Variants in RUNDC3B observed in about 807,000 individuals in gnomAD.
RUNDC3B encodes the protein RUN domain containing 3B.
RUNDC3B carries 33 observed loss-of-function variants against 58.4 expected under a neutral mutation model. The observed-to-expected ratio is 0.56, with a 90% CI of 0.43 to 0.75. The LOEUF (loss-of-function observed/expected upper bound fraction) is 0.75, where lower values mean the gene tolerates loss of function less well. Ranked by LOEUF, RUNDC3B falls within the 30% of genes least tolerant of loss-of-function variation. RUNDC3B has a pLI of 0.00. For missense variants in RUNDC3B, 501 were observed against 535.7 expected, an observed-to-expected ratio of 0.94 and a Z score of 0.64; for synonymous variants, 193 against 195.2, an observed-to-expected ratio of 0.99 and a Z score of 0.10.
chr7:87,790,921 T>G (rs569662246), intron 8 of RUNDC3B, among the ~76,000 whole-genome samples: 4 of 152,182 alleles, frequency 2.6e-5, no homozygotes, highest in Non-Finnish European at 5.9e-5. Context: ...AGAAAGTTTA[T>G]TTAAAGGGAT....
intron 6 of RUNDC3B, among the ~76,000 whole-genome samples, chr7:87,761,887 T>G (rs1277184588): frequency 6.6e-6 from 1 of 151,724 alleles, no homozygotes; most frequent in Non-Finnish European, 1.5e-5. Context: ...ATGATATATT[T>G]CCCAGTTCTT....
chr7:87,813,453 T>C (rs1036763918), intron 9 of RUNDC3B, among the ~76,000 whole-genome samples: 1 of 152,182 alleles, frequency 6.6e-6, no homozygotes, highest in Admixed American at 6.5e-5. Context: ...TTTTTGCTTA[T>C]GGATATTTTA....
At chr7:87,663,921 C>G (rs1824963988) in intron 2 of RUNDC3B, among the ~76,000 whole-genome samples, 1 of 152,098 alleles carries the variant, frequency 6.6e-6, no homozygotes, top group South Asian at 2.1e-4. Context: ...TTTGTATGAT[C>G]CTACTGGATG....
At chr7:87,682,416 C>G (rs1204401727) in intron 2 of RUNDC3B, among the ~76,000 whole-genome samples, 1 of 152,160 alleles carries the variant, frequency 6.6e-6, no homozygotes, top group Non-Finnish European at 1.5e-5. Context: ...CATCAGAAGA[C>G]TCATTGTCTA....
intron 2 of RUNDC3B, among the ~76,000 whole-genome samples, chr7:87,660,171 G>T (rs926795327): frequency 3.9e-5 from 6 of 152,022 alleles, no homozygotes; most frequent in African/African-American, 1.4e-4. Flanking sequence ...CGTAAGTTTG[G>T]AATCATGGTC....
At chr7:87,711,443 T>C (rs2130744385) in intron 4 of RUNDC3B, among the ~76,000 whole-genome samples, 1 of 152,226 alleles carries the variant, frequency 6.6e-6, no homozygotes, top group Admixed American at 6.5e-5. Flanking sequence ...TGTATAAAGA[T>C]GACATCCTGT....
intron 4 of RUNDC3B, among the ~76,000 whole-genome samples, chr7:87,728,016 C>G (rs563303077): frequency 6.6e-6 from 1 of 152,192 alleles, no homozygotes; most frequent in South Asian, 2.1e-4. Flanking sequence ...TTAACTAAAC[C>G]TATCTTCTTC....
chr7:87,669,457 A>G (rs181899027), intron 2 of RUNDC3B, among the ~76,000 whole-genome samples: 1 of 152,252 alleles, frequency 6.6e-6, no homozygotes, highest in African/African-American at 2.4e-5. Context: ...TAAGTGGGGC[A>G]TTTAGCCCAT....
At chr7:87,738,945 A>G (rs904772571) in intron 4 of RUNDC3B, among the ~76,000 whole-genome samples, 2 of 151,910 alleles carry the variant, frequency 1.3e-5, no homozygotes, top group Non-Finnish European at 2.9e-5. Flanking sequence ...ATGGGGTGGT[A>G]TAGAGTGGTG....
At chr7:87,814,810 T>C (rs1317858253) in intron 9 of RUNDC3B, among the ~76,000 whole-genome samples, 1 of 152,140 alleles carries the variant, frequency 6.6e-6, no homozygotes, top group Non-Finnish European at 1.5e-5. Flanking sequence ...GTCATCAAAT[T>C]ATAAAGTGAG....
At position 87,770,795 on chromosome 7, in the gene RUNDC3B, G is replaced by A. The variant is rs200867231; in HGVS notation, c.798+46G>A. On this transcript the variant is annotated intron_variant, in intron 7 of 10. Transcript: ENST00000394654. ...CGTACTTAATTTTATTCTAGTTATT[G>A]CCTTTGAACTGTGACTGCCAAAATA... is the stretch of plus-strand genomic sequence containing the variant. The A allele has an allele frequency of 3.3e-5, 44 of 1,334,854 alleles. No homozygotes were observed. In the East Asian group the frequency reaches 9.6e-4, roughly 29 times the overall value. 82.7% of individuals were successfully genotyped at this position (1,334,854 alleles called of 1,614,324 possible).
intron 10 of RUNDC3B, among the ~76,000 whole-genome samples, chr7:87,823,272 A>G (rs979268180): frequency 1.8e-4 from 27 of 152,090 alleles, no homozygotes; most frequent in African/African-American, 5.6e-4. Context: ...TTGAACCCCA[A>G]CAGGTACTCT....
intron 6 of RUNDC3B, among the ~76,000 whole-genome samples, chr7:87,753,461 G>A (rs1344451849): frequency 6.6e-6 from 1 of 152,120 alleles, no homozygotes; most frequent in African/African-American, 2.4e-5. Flanking sequence ...TCTGTCTAAT[G>A]TTGACAGTGG....
At chr7:87,690,241 T>G (rs1048734174) in intron 2 of RUNDC3B, among the ~76,000 whole-genome samples, 1 of 152,162 alleles carries the variant, frequency 6.6e-6, no homozygotes, top group African/African-American at 2.4e-5. Flanking sequence ...TACTTTAATT[T>G]GATGAAGAGT....
intron 1 of RUNDC3B, among the ~76,000 whole-genome samples, chr7:87,638,124 G>A (rs917177808): frequency 1.3e-5 from 2 of 151,822 alleles, no homozygotes; most frequent in Admixed American, 6.6e-5. Context: ...AGTGAATTAT[G>A]TTGACTTTTG....
At chr7:87,781,333 T>C (rs1488081922) in intron 8 of RUNDC3B, among the ~76,000 whole-genome samples, 1 of 145,392 alleles carries the variant, frequency 6.9e-6, no homozygotes, top group Non-Finnish European at 1.6e-5. Flanking sequence ...TATGCATTGA[T>C]TTTATACCCT....
intron 2 of RUNDC3B, among the ~76,000 whole-genome samples, chr7:87,699,729 A>G (rs1482230645): frequency 6.6e-6 from 1 of 152,214 alleles, no homozygotes; most frequent in African/African-American, 2.4e-5. Context: ...TACTAATATA[A>G]CCTATGCACA....
chr7:87,773,878 A>G (rs1490606484), intron 7 of RUNDC3B, among the ~76,000 whole-genome samples: 1 of 152,026 alleles, frequency 6.6e-6, no homozygotes, highest in African/African-American at 2.4e-5. Flanking sequence ...GGGTTTCACG[A>G]CGTTGGCTAG....
intron 4 of RUNDC3B, among the ~76,000 whole-genome samples, chr7:87,728,234 A>G (rs189970089): frequency 2.4e-4 from 37 of 152,288 alleles, no homozygotes; most frequent in African/African-American, 8.4e-4. Context: ...TGATTTATAC[A>G]AATCTCTTCT....
Sources: allele counts gnomAD v4.1 joint callset (sites outside exome capture counted in the v4.1 genomes callset), GRCh38; gene constraint gnomAD v4.1.1; transcripts MANE v1.5; gene names NCBI Gene and HGNC (gene_info 2026-07-23, HGNC 2026-07-21).